Variants in PFKP observed in about 807,000 individuals in gnomAD.
PFKP encodes ATP-dependent 6-phosphofructokinase, platelet type.
In PFKP, 101 loss-of-function variants were observed where a neutral mutation model predicts 94.3. The observed-to-expected ratio is 1.07, with a 90% CI of 0.91 to 1.26. The LOEUF (loss-of-function observed/expected upper bound fraction) is 1.26. Among genes scored for constraint, PFKP ranks in the 50% most tolerant of loss-of-function variants. PFKP has a pLI of 0.00. For synonymous variants in PFKP, 573 were observed against 432.6 expected (o/e 1.32, Z -4.03); for missense variants, 1,145 against 1,103.3 (o/e 1.04, Z -0.53).
At chr10:3,071,433 T>TG (rs1832177815) in intron 1 of PFKP, among the ~76,000 whole-genome samples, 1 of 99,568 alleles carries the variant, frequency 1.0e-5, no homozygotes, top group Non-Finnish European at 2.6e-5. Flanking sequence ...GGCTGTTTTT[T>TG]TTTTTTTTTT....
intron 16 of PFKP, among the ~76,000 whole-genome samples, chr10:3,123,277 C>CA (rs1837606710): frequency 6.6e-6 from 1 of 152,208 alleles, no homozygotes; most frequent in Admixed American, 6.5e-5. Flanking sequence ...AAGCTGCTGC[C>CA]ACGCTGCCGT....
intron 16 of PFKP, among the ~76,000 whole-genome samples, chr10:3,125,687 G>T (rs1197506196): frequency 6.6e-6 from 1 of 152,224 alleles, no homozygotes; most frequent in Non-Finnish European, 1.5e-5. Context: ...GAGACAAGAG[G>T]CTCTTTAGAG....
intron 20 of PFKP, among the ~76,000 whole-genome samples, chr10:3,135,297 A>G (rs1157624280): frequency 6.6e-6 from 1 of 152,130 alleles, no homozygotes; most frequent in African/African-American, 2.4e-5. Context: ...GTCTATAAAA[A>G]CCAGTGATGT....
At chr10:3,086,414 C>G (rs1026450650) in intron 2 of PFKP, among the ~76,000 whole-genome samples, 8 of 152,230 alleles carry the variant, frequency 5.3e-5, no homozygotes, top group Non-Finnish European at 1.2e-4. Context: ...GAACAGAGTT[C>G]GGTCCCCGAC....
chr10:3,136,408 A>C lies in PFKP; in HGVS notation c.2226-42A>C, dbSNP rs369939250. ...TGGCCAGGCGGAGGCATCTCCCGCC[A>C]GTGACTGCAGGCCTCACTGCTGTCT... is the stretch of plus-strand genomic sequence containing the variant. On this transcript the variant is annotated intron_variant, in intron 21 of 21. Transcript: ENST00000381125. The C allele has an allele frequency of 1.7e-4, 267 of 1,605,768 alleles. 3 individuals carry two copies. The African/African-American group carries it at 3.3e-3, about 20-fold the overall frequency.
chr10:3,072,527 A>T (rs956862721), intron 1 of PFKP, among the ~76,000 whole-genome samples: 1 of 149,374 alleles, frequency 6.7e-6, no homozygotes, highest in Admixed American at 6.6e-5. Flanking sequence ...TGGGTCTGGG[A>T]GGCAGTGTGT....
At chr10:3,078,048 C>T (rs939387645) in intron 1 of PFKP, among the ~76,000 whole-genome samples, 1 of 152,292 alleles carries the variant, frequency 6.6e-6, no homozygotes, top group South Asian at 2.1e-4. Context: ...AAAACAAAAC[C>T]AGATGGATTA....
chr10:3,102,250 CAAAAAAAAA>C (rs757381364), intron 4 of PFKP, among the ~76,000 whole-genome samples: 2 of 54,778 alleles, frequency 3.7e-5, no homozygotes, highest in South Asian at 1.0e-3. Context: ...GACTCTGTCT[CAAAAAAAAA>C]AAAAAAAAAA....
chr10:3,132,968 TTACA>T (rs1405439324), intron 18 of PFKP, among the ~76,000 whole-genome samples: 3 of 152,194 alleles, frequency 2.0e-5, no homozygotes, highest in South Asian at 2.1e-4. Context: ...AATTTAAAAC[TTACA>T]TATTTATTTC....
chr10:3,069,231 G>C, intron 1 of PFKP: 1 of 1,416,496 alleles, frequency 7.1e-7, no homozygotes. Flanking sequence ...TCTGGCGTTA[G>C]CATTCCAGTA....
chr10:3,123,460 G>A (rs1271050625), intron 16 of PFKP, among the ~76,000 whole-genome samples: 1 of 152,226 alleles, frequency 6.6e-6, no homozygotes, highest in Non-Finnish European at 1.5e-5. Flanking sequence ...GAAGAGGGGA[G>A]AGAGGATTTG....
At chr10:3,099,935 C>A (rs1834819610) in intron 3 of PFKP, among the ~76,000 whole-genome samples, 1 of 150,502 alleles carries the variant, frequency 6.6e-6, no homozygotes, top group South Asian at 2.1e-4. Flanking sequence ...GTGTGTGAGT[C>A]TGAGTGTGTA....
At chr10:3,091,644 G>A (rs752693097) in intron 2 of PFKP, among the ~76,000 whole-genome samples, 106 of 152,114 alleles carry the variant, frequency 7.0e-4, no homozygotes, top group African/African-American at 2.4e-3. Flanking sequence ...ACGAAACTCC[G>A]TCTCTACTAA....
intron 2 of PFKP, among the ~76,000 whole-genome samples, chr10:3,094,448 C>T (rs901695077): frequency 2.6e-5 from 4 of 152,180 alleles, no homozygotes; most frequent in Admixed American, 2.0e-4. Context: ...CCTGAGGCTG[C>T]TCTATAGAAA....
intron 4 of PFKP, among the ~76,000 whole-genome samples, chr10:3,103,259 C>T (rs145399898): frequency 6.6e-6 from 1 of 152,342 alleles, no homozygotes; most frequent in Admixed American, 6.5e-5. Flanking sequence ...TGTCTAAGTG[C>T]CAGGTGACAG....
chr10:3,099,598 G>C (rs764502139), intron 3 of PFKP, among the ~76,000 whole-genome samples: 4 of 152,168 alleles, frequency 2.6e-5, no homozygotes, highest in Non-Finnish European at 4.4e-5. Flanking sequence ...GACGCTCATG[G>C]GGCCCACACC....
Position 3,128,359 on chromosome 10 carries a change from CAG to C in PFKP, c.1684-1457_1684-1456del, listed in dbSNP as rs920485382. Among the ~76,000 whole-genome samples, 5 of 152,178 alleles carry C rather than the reference CAG, an allele frequency of 3.3e-5. 1 individual carries two copies. Among genetic ancestry groups the C allele is most frequent in the African/African-American group, 7.2e-5 (3 of 41,448 alleles). ...ATGGGGTGGCTCCGAGAGCCCCTGA[CAG>C]AGGGAACTTTGTGGTCCTAGAAACC... On this transcript the variant is annotated intron_variant, in intron 16 of 21. Coordinates refer to ENST00000381125, the MANE Select transcript of PFKP (RefSeq NM_002627.5).
At chr10:3,130,203 G>C (rs533782437) in intron 17 of PFKP, among the ~76,000 whole-genome samples, 1 of 146,674 alleles carries the variant, frequency 6.8e-6, no homozygotes, top group East Asian at 2.0e-4. Context: ...AGTCTCATGT[G>C]TGAAACACAA....
chr10:3,088,818 AC>A (rs1319214690), intron 2 of PFKP, among the ~76,000 whole-genome samples: 3 of 146,976 alleles, frequency 2.0e-5, no homozygotes, highest in East Asian at 2.0e-4. Flanking sequence ...GCTTTTCCCC[AC>A]CCCTCCCCTT....
Sources: allele counts gnomAD v4.1 joint callset (sites outside exome capture counted in the v4.1 genomes callset), GRCh38; gene constraint gnomAD v4.1.1; transcripts MANE v1.5; gene names NCBI Gene and HGNC (gene_info 2026-07-23, HGNC 2026-07-21).